SOCS5: variants seen among roughly 807,000 people sequenced by gnomAD.
SOCS5 encodes suppressor of cytokine signaling 5.
Under a neutral mutation model 42.8 loss-of-function variants are expected in SOCS5, and 32 were observed. The observed-to-expected ratio is 0.75, with a 90% CI of 0.56 to 1.01. The LOEUF (loss-of-function observed/expected upper bound fraction) is 1.01. Among genes scored for constraint, SOCS5 ranks in the 50% least tolerant of loss-of-function variants. The pLI is 0.00. For synonymous variants in SOCS5, 283 were observed against 229.6 expected (o/e 1.23, Z -2.10); for missense variants, 627 against 653.0 (o/e 0.96, Z 0.43).
chr2:46,759,602 A>G lies in SOCS5; in HGVS notation c.1072A>G (p.Lys358Glu). Residue 358 changes from lysine (K) to glutamate (E), a missense_variant, in exon 2 of 2, where the codon AAA becomes GAA. Coordinates refer to ENST00000394861, the MANE Select transcript of SOCS5 (RefSeq NM_144949.3). ...CCATGTTAGCAGACAGGGAGCTTGG[A>G]AAGTCCACACACAGATTGATTACAT... The part of the protein sequence containing the change: ...HTHVSRQGAW[K>E]VHTQIDYIHC... The G allele has an allele frequency of 6.2e-7, 1 of 1,614,000 alleles. No homozygotes were observed. The highest frequency in any genetic ancestry group is 1.1e-5 in the South Asian group (1 of 91,072).
intron 1 of SOCS5, among the ~76,000 whole-genome samples, chr2:46,728,959 C>A (rs1673053644): frequency 6.6e-6 from 1 of 152,208 alleles, no homozygotes; most frequent in Non-Finnish European, 1.5e-5. Flanking sequence ...AACCTGGGAA[C>A]TTGTTAGACA....
chr2:46,744,610 C>T (rs1049406128), intron 1 of SOCS5, among the ~76,000 whole-genome samples: 1 of 151,694 alleles, frequency 6.6e-6, no homozygotes, highest in African/African-American at 2.4e-5. Flanking sequence ...TCACTGCAAC[C>T]TCTGCCTCCC....
chr2:46,712,686 A>AG (rs1301282572), intron 1 of SOCS5, among the ~76,000 whole-genome samples: 1 of 152,160 alleles, frequency 6.6e-6, no homozygotes, highest in Non-Finnish European at 1.5e-5. Flanking sequence ...TGAGACGCTT[A>AG]TGTGGTATTT....
intron 1 of SOCS5, among the ~76,000 whole-genome samples, chr2:46,745,684 T>C (rs568787224): frequency 6.6e-6 from 1 of 152,290 alleles, no homozygotes; most frequent in Admixed American, 6.5e-5. Flanking sequence ...AAGGACTACC[T>C]GGGCTGGCTA....
Position 46,758,536 on chromosome 2 carries a change from TA to T in SOCS5, c.9del (p.Val4TrpfsTer29). On this transcript the variant is annotated frameshift_variant, in exon 2 of 2. Coordinates refer to ENST00000394861, the MANE Select transcript of SOCS5 (RefSeq NM_144949.3). LOFTEE classifies it high-confidence loss of function. MD[K>X]VGKMWNNFKY... ...GTCTTTAGATTTTATAATCAATGGATAAAGTGGGAAAAATGTGGAATAACTT... is the reference window on the plus strand; with the variant it reads ...GTCTTTAGATTTTATAATCAATGGATAAGTGGGAAAAATGTGGAATAACTT... 1 of 1,584,494 alleles carries T rather than the reference TA, an allele frequency of 6.3e-7. No homozygotes were observed. Among genetic ancestry groups the T allele is most frequent in the Non-Finnish European group, 8.6e-7 (1 of 1,168,968 alleles).
At chr2:46,715,572 A>C (rs1393129322) in intron 1 of SOCS5, among the ~76,000 whole-genome samples, 1 of 151,954 alleles carries the variant, frequency 6.6e-6, no homozygotes, top group Non-Finnish European at 1.5e-5. Context: ...GTTGGTGTGG[A>C]TATGGAATTC....
intron 1 of SOCS5, among the ~76,000 whole-genome samples, chr2:46,733,346 C>G (rs931804187): frequency 6.6e-6 from 1 of 152,100 alleles, no homozygotes; most frequent in African/African-American, 2.4e-5. Flanking sequence ...CCACCCATCT[C>G]AGCCTCCCAA....
intron 1 of SOCS5, among the ~76,000 whole-genome samples, chr2:46,729,670 C>CCTGG (rs1256709298): frequency 2.0e-5 from 3 of 151,962 alleles, no homozygotes; most frequent in African/African-American, 4.8e-5. Flanking sequence ...TGGAAGTTGC[C>CCTGG]GTGGGTGAGT....
chr2:46,742,102 A>G (rs1210286773), intron 1 of SOCS5, among the ~76,000 whole-genome samples: 4 of 152,216 alleles, frequency 2.6e-5, no homozygotes. Flanking sequence ...GATAAGTGAT[A>G]AATTTGTATC....
chr2:46,753,452 T>G (rs1033852193), intron 1 of SOCS5, among the ~76,000 whole-genome samples: 3 of 152,202 alleles, frequency 2.0e-5, no homozygotes, highest in African/African-American at 7.2e-5. Context: ...GATACATACC[T>G]TAAGTAGTTT....
At chr2:46,727,130 C>T (rs1044970324) in intron 1 of SOCS5, among the ~76,000 whole-genome samples, 14 of 147,254 alleles carry the variant, frequency 9.5e-5, no homozygotes, top group Admixed American at 4.1e-4. Context: ...AGTGTTTTCC[C>T]TTGTTGGAGC....
At chr2:46,727,393 C>T (rs1463164036) in intron 1 of SOCS5, among the ~76,000 whole-genome samples, 1 of 152,066 alleles carries the variant, frequency 6.6e-6, no homozygotes, top group Non-Finnish European at 1.5e-5. Context: ...TTTCTGGGTC[C>T]TTCATATTCT....
At chr2:46,726,659 T>C (rs758252518) in intron 1 of SOCS5, among the ~76,000 whole-genome samples, 11 of 152,108 alleles carry the variant, frequency 7.2e-5, no homozygotes, top group Non-Finnish European at 1.2e-4. Flanking sequence ...TCAAGTTCAC[T>C]GACTTTCCTA....
chr2:46,714,088 G>GTT (rs1558401086), intron 1 of SOCS5, among the ~76,000 whole-genome samples: 1 of 152,032 alleles, frequency 6.6e-6, no homozygotes, highest in Non-Finnish European at 1.5e-5. Flanking sequence ...CTTGGTGAAC[G>GTT]TTCAATGTAT....
rs1379714493 is a variant in SOCS5 at position 46,762,161 on chromosome 2, A to G, written c.*2020A>G. 6.0e-6 allele frequency: 1 copy of G among 167,090 alleles called. No homozygotes were observed. Among genetic ancestry groups the G allele is most frequent in the African/African-American group, 2.4e-5 (1 of 41,470 alleles). 10.4% of individuals were successfully genotyped at this position (167,090 alleles called of 1,614,324 possible). A position where few individuals can be genotyped will look rare whatever the true frequency, so the allele number is the denominator to read the frequency against. On this transcript the variant is annotated 3_prime_UTR_variant, in exon 2 of 2. Coordinates refer to ENST00000394861, the MANE Select transcript of SOCS5 (RefSeq NM_144949.3). ...TTTCTAATTAAAGTCCCTGAAGATCATATACCAAAGTGTTTGAGAACTTCA... is the reference window on the plus strand; with the variant it reads ...TTTCTAATTAAAGTCCCTGAAGATCGTATACCAAAGTGTTTGAGAACTTCA...
intron 1 of SOCS5, among the ~76,000 whole-genome samples, chr2:46,738,538 C>T (rs1422618226): frequency 2.0e-5 from 3 of 152,160 alleles, no homozygotes; most frequent in South Asian, 4.2e-4. Context: ...ATTTGAGGTC[C>T]GATGGAGAAT....
chr2:46,754,152 G>T (rs1450012364), intron 1 of SOCS5, among the ~76,000 whole-genome samples: 1 of 152,070 alleles, frequency 6.6e-6, no homozygotes. Flanking sequence ...CTCTGAAAGA[G>T]CCAAGGCCTT....
chr2:46,706,857 C>T (rs1672504190), intron 1 of SOCS5, among the ~76,000 whole-genome samples: 1 of 152,130 alleles, frequency 6.6e-6, no homozygotes, highest in Admixed American at 6.5e-5. Flanking sequence ...TTAGATGAGT[C>T]ACTGAACTTC....
intron 1 of SOCS5, among the ~76,000 whole-genome samples, chr2:46,732,741 C>G (rs1383168003): frequency 6.6e-6 from 1 of 152,164 alleles, no homozygotes; most frequent in Non-Finnish European, 1.5e-5. Flanking sequence ...CAATGTGTAT[C>G]TTTAATAGGC....
Sources: allele counts gnomAD v4.1 joint callset (sites outside exome capture counted in the v4.1 genomes callset), GRCh38; gene constraint gnomAD v4.1.1; transcripts MANE v1.5; gene names NCBI Gene and HGNC (gene_info 2026-07-23, HGNC 2026-07-21).